The following NTNG1 variants were observed in gnomAD, a reference collection of about 807,000 sequenced individuals.
NTNG1 encodes netrin G1.
In NTNG1, 16 loss-of-function variants were observed where a neutral mutation model predicts 54.0. The ratio of observed to expected loss-of-function variants is 0.30; its 90% confidence interval spans 0.20 to 0.45. The LOEUF (loss-of-function observed/expected upper bound fraction) is 0.45. NTNG1 is among the 20% of genes least tolerant of loss of function. The pLI is 1.00. For synonymous variants in NTNG1, 255 were observed against 263.1 expected, an observed-to-expected ratio of 0.97 and a Z score of 0.30; for missense variants, 530 against 678.7, an observed-to-expected ratio of 0.78 and a Z score of 2.43.
At position 107,480,080 on chromosome 1, in the gene NTNG1, C is replaced by T. The variant is rs180959557; in HGVS notation, c.1391-531C>T. Among the ~76,000 whole-genome samples, 817 of 152,118 alleles carry T rather than the reference C, an allele frequency of 5.4e-3. 9 individuals are homozygous for T. The highest frequency in any genetic ancestry group is 0.019 in the African/African-American group (774 of 41,506). The stretch of plus-strand genomic sequence containing the variant: ...CATGCTACTTTCCCCGTGTCCCCAC[C>T]CCTCCTCATCCCCATGCCTCCCGGT... On this transcript the variant is annotated intron_variant, in intron 7 of 7. Coordinates refer to ENST00000370068, the MANE Select transcript of NTNG1 (RefSeq NM_001113226.3).
intron 5 of NTNG1, among the ~76,000 whole-genome samples, chr1:107,427,216 T>C (rs1674968043): frequency 6.6e-6 from 1 of 151,996 alleles, no homozygotes; most frequent in Non-Finnish European, 1.5e-5. Flanking sequence ...CCTGGAGAGT[T>C]GAATTTAACC....
At chr1:107,263,836 G>T (rs1663540950) in intron 2 of NTNG1, among the ~76,000 whole-genome samples, 1 of 152,062 alleles carries the variant, frequency 6.6e-6, no homozygotes. Context: ...AGAATTTGAG[G>T]TTTGTATGTA....
At chr1:107,193,509 G>A (rs905891711) in intron 2 of NTNG1, among the ~76,000 whole-genome samples, 13 of 151,932 alleles carry the variant, frequency 8.6e-5, no homozygotes, top group African/African-American at 2.9e-4. Flanking sequence ...AATAGCCAGA[G>A]TAGTGTCTAA....
At chr1:107,326,748 C>G (rs1416668722) in intron 3 of NTNG1, among the ~76,000 whole-genome samples, 1 of 151,962 alleles carries the variant, frequency 6.6e-6, no homozygotes, top group African/African-American at 2.4e-5. Flanking sequence ...CCTTTATTTG[C>G]CACTTGTAAA....
intron 2 of NTNG1, among the ~76,000 whole-genome samples, chr1:107,314,594 C>T (rs982749786): frequency 6.6e-6 from 1 of 152,144 alleles, no homozygotes; most frequent in African/African-American, 2.4e-5. Flanking sequence ...CCTACACTTT[C>T]TCCCCCATTA....
Position 107,481,158 on chromosome 1 carries a change from A to C in NTNG1, c.*318A>C. The C allele has an allele frequency of 2.7e-6, 1 of 375,406 alleles. No individual in the cohort carries two copies. The allele number at this position is 375,406 out of a possible 1,614,324, so 23.3% of individuals were successfully genotyped here. A position where few individuals can be genotyped will look rare whatever the true frequency, so the allele number is the denominator to read the frequency against. On this transcript the variant is annotated 3_prime_UTR_variant, in exon 8 of 8. Coordinates refer to ENST00000370068, the MANE Select transcript of NTNG1 (RefSeq NM_001113226.3). ...AAACAGGAAAGACAAAAAACAAACA[A>C]ATCAACCGACCTAAAAACATTGGCT...
chr1:107,353,457 G>T (rs1378410212), intron 3 of NTNG1, among the ~76,000 whole-genome samples: 1 of 152,060 alleles, frequency 6.6e-6, no homozygotes, highest in Non-Finnish European at 1.5e-5. Flanking sequence ...TGTTCCCAAT[G>T]ACTTCCTAAT....
intron 5 of NTNG1, among the ~76,000 whole-genome samples, chr1:107,430,224 CTA>C (rs1675172081): frequency 6.6e-6 from 1 of 152,100 alleles, no homozygotes; most frequent in South Asian, 2.1e-4. Flanking sequence ...GTCTAGAACT[CTA>C]TTAAATTTGC....
intron 7 of NTNG1, among the ~76,000 whole-genome samples, chr1:107,437,705 A>T (rs1040124601): frequency 6.6e-6 from 1 of 152,166 alleles, no homozygotes; most frequent in Non-Finnish European, 1.5e-5. Flanking sequence ...TTTAATAACT[A>T]TTATATTTAG....
At chr1:107,255,384 A>G (rs1662867015) in intron 2 of NTNG1, among the ~76,000 whole-genome samples, 2 of 152,200 alleles carry the variant, frequency 1.3e-5, no homozygotes, top group Non-Finnish European at 2.9e-5. Flanking sequence ...GGACAGTGAT[A>G]AATGAGAGGA....
intron 2 of NTNG1, among the ~76,000 whole-genome samples, chr1:107,175,349 C>T (rs1477540854): frequency 6.6e-6 from 1 of 152,144 alleles, no homozygotes; most frequent in African/African-American, 2.4e-5. Flanking sequence ...GATCCTGGCA[C>T]CAGCACACAG....
intron 2 of NTNG1, among the ~76,000 whole-genome samples, chr1:107,314,508 G>T (rs1400297144): frequency 6.6e-6 from 1 of 152,146 alleles, no homozygotes; most frequent in African/African-American, 2.4e-5. Context: ...ACATCCTTGG[G>T]CCTAGTAAAT....
intron 3 of NTNG1, among the ~76,000 whole-genome samples, chr1:107,379,575 G>A (rs1358405949): frequency 1.3e-5 from 2 of 152,168 alleles, no homozygotes; most frequent in African/African-American, 4.8e-5. Context: ...CTGCAAGTCA[G>A]GAATTTGGAG....
At chr1:107,471,444 C>T (rs1309113233) in intron 7 of NTNG1, among the ~76,000 whole-genome samples, 3 of 152,186 alleles carry the variant, frequency 2.0e-5, no homozygotes, top group Non-Finnish European at 2.9e-5. Flanking sequence ...TCCCCTGGCC[C>T]CCTACACCAT....
intron 2 of NTNG1, among the ~76,000 whole-genome samples, chr1:107,287,425 T>C (rs889558250): frequency 6.6e-6 from 1 of 152,180 alleles, no homozygotes; most frequent in Admixed American, 6.5e-5. Flanking sequence ...GACTTTCCAC[T>C]GCTTGGCATG....
intron 7 of NTNG1, among the ~76,000 whole-genome samples, chr1:107,472,273 C>G (rs80338191): frequency 1.3e-5 from 2 of 152,142 alleles, no homozygotes; most frequent in African/African-American, 4.8e-5. Context: ...TTACACAAGA[C>G]CATCCATCAT....
chr1:107,389,118 A>G (rs369754861), intron 3 of NTNG1, among the ~76,000 whole-genome samples: 1 of 152,276 alleles, frequency 6.6e-6, no homozygotes, highest in African/African-American at 2.4e-5. Flanking sequence ...TGAGTAAATT[A>G]TACCAAAGCA....
intron 7 of NTNG1, among the ~76,000 whole-genome samples, chr1:107,462,489 G>T (rs1055354458): frequency 6.6e-6 from 1 of 152,194 alleles, no homozygotes; most frequent in East Asian, 1.9e-4. Context: ...AAAAATGCCT[G>T]ATAGGAGACC....
chr1:107,472,278 C>A (rs530216386), intron 7 of NTNG1, among the ~76,000 whole-genome samples: 18 of 152,264 alleles, frequency 1.2e-4, no homozygotes, highest in East Asian at 1.9e-4. Flanking sequence ...CAAGACCATC[C>A]ATCATCATAT....
Sources: gnomAD v4.1 joint callset for allele counts (sites outside exome capture counted in the v4.1 genomes callset) on GRCh38, gnomAD v4.1.1 for gene constraint, MANE v1.5 for transcripts, NCBI Gene and HGNC (gene_info 2026-07-23, HGNC 2026-07-21) for gene names.